CSMD1: variants seen among roughly 807,000 people sequenced by gnomAD.
CSMD1 encodes the protein CUB and sushi domain-containing protein 1.
Under a neutral mutation model 417.5 loss-of-function variants are expected in CSMD1, and 213 were observed. That is an observed-to-expected ratio of 0.51 (90% CI 0.46 to 0.57). The LOEUF is 0.57. Ranked by LOEUF, CSMD1 falls within the 20% of genes least tolerant of loss-of-function variation. CSMD1 has a pLI of 0.00. For synonymous variants in CSMD1, 2,862 were observed against 1,736.8 expected, an observed-to-expected ratio of 1.65 and a Z score of -16.11; for missense variants, 6,923 against 4,529.7, an observed-to-expected ratio of 1.53 and a Z score of -15.17.
intron 3 of CSMD1, among the ~76,000 whole-genome samples, chr8:4,408,217 A>G (rs1207982075): frequency 6.6e-6 from 1 of 152,240 alleles, no homozygotes; most frequent in Admixed American, 6.5e-5. Context: ...GCCCCAGGCC[A>G]TTCCTCCTTC....
At chr8:4,452,957 A>C (rs1585100616) in intron 2 of CSMD1, among the ~76,000 whole-genome samples, 1 of 152,160 alleles carries the variant, frequency 6.6e-6, no homozygotes, top group East Asian at 1.9e-4. Context: ...TTGATTTTTC[A>C]ATTTAAGCTT....
At chr8:4,028,542 A>C (rs1797181320) in intron 4 of CSMD1, among the ~76,000 whole-genome samples, 1 of 152,202 alleles carries the variant, frequency 6.6e-6, no homozygotes, top group Non-Finnish European at 1.5e-5. Flanking sequence ...ATAACTAGCG[A>C]AGGATAAAAT....
At chr8:4,412,178 G>C (rs1038234050) in intron 3 of CSMD1, among the ~76,000 whole-genome samples, 1 of 152,134 alleles carries the variant, frequency 6.6e-6, no homozygotes, top group Non-Finnish European at 1.5e-5. Flanking sequence ...TCGGATATCT[G>C]TCAACGTGCA....
At chr8:3,023,043 G>T (rs573895290) in intron 51 of CSMD1, among the ~76,000 whole-genome samples, 1 of 152,318 alleles carries the variant, frequency 6.6e-6, no homozygotes, top group South Asian at 2.1e-4. Flanking sequence ...TCAACTGCAG[G>T]TAGTCCTGAG....
Position 3,752,926 on chromosome 8 carries a change from G to C in CSMD1, c.931+1004C>G, listed in dbSNP as rs138606690. On this transcript the variant is annotated intron_variant, in intron 6 of 69. Transcript: ENST00000635120. ...GGATTTTAAAATGTGTAAGATAACA[G>C]ATATTTAGACCAGTTTGTTGAAAAA... 8.5e-4 allele frequency among the ~76,000 whole-genome samples: 129 copies of C among 152,272 alleles called. 2 individuals are homozygous for C. The East Asian group carries it at 0.022, about 26-fold the overall frequency.
intron 1 of CSMD1, among the ~76,000 whole-genome samples, chr8:4,847,375 C>A (rs781467480): frequency 6.6e-6 from 1 of 151,984 alleles, no homozygotes; most frequent in Non-Finnish European, 1.5e-5. Flanking sequence ...TTTCAGATAC[C>A]AAATAAAAAT....
intron 5 of CSMD1, among the ~76,000 whole-genome samples, chr8:3,843,491 A>G (rs1314064134): frequency 1.3e-5 from 2 of 152,232 alleles, no homozygotes; most frequent in African/African-American, 2.4e-5. Context: ...CTTTGTGTAC[A>G]TGAAACATGA....
At chr8:4,238,784 G>A (rs1163362504) in intron 3 of CSMD1, among the ~76,000 whole-genome samples, 1 of 152,146 alleles carries the variant, frequency 6.6e-6, no homozygotes, top group Non-Finnish European at 1.5e-5. Flanking sequence ...GGGTAAAGAA[G>A]ACTTAGGCAG....
At chr8:3,748,122 T>C (rs1797148901) in intron 6 of CSMD1, among the ~76,000 whole-genome samples, 1 of 152,184 alleles carries the variant, frequency 6.6e-6, no homozygotes, top group Non-Finnish European at 1.5e-5. Context: ...ATGGACACTT[T>C]TTCCAAAATC....
chr8:3,218,458 G>C (rs1798009286), intron 29 of CSMD1, among the ~76,000 whole-genome samples: 1 of 151,682 alleles, frequency 6.6e-6, no homozygotes. Flanking sequence ...CTACTCGGGA[G>C]GCTGAGGAAG....
At chr8:4,065,213 A>G (rs1216868590) in intron 3 of CSMD1, among the ~76,000 whole-genome samples, 1 of 152,216 alleles carries the variant, frequency 6.6e-6, no homozygotes, top group Non-Finnish European at 1.5e-5. Flanking sequence ...TATGAAAGAA[A>G]ATAGTCCTAA....
chr8:3,175,507 GCCTTTTTTCCTT>G (rs1254103806), intron 37 of CSMD1, among the ~76,000 whole-genome samples: 46 of 125,912 alleles, frequency 3.7e-4, no homozygotes, highest in Non-Finnish European at 6.4e-4. Flanking sequence ...CTGCCTGCCT[GCCTTTTTTCCTT>G]CCTTCCTTCC....
chr8:4,697,679 C>T (rs1169753944), intron 1 of CSMD1, among the ~76,000 whole-genome samples: 1 of 152,042 alleles, frequency 6.6e-6, no homozygotes, highest in African/African-American at 2.4e-5. Flanking sequence ...TTTCCCTGGA[C>T]AGTTTTAATT....
chr8:3,260,403 A>G (rs1032336294), intron 26 of CSMD1, among the ~76,000 whole-genome samples: 3 of 150,506 alleles, frequency 2.0e-5, no homozygotes, highest in African/African-American at 7.3e-5. Flanking sequence ...TTTGGAAAAC[A>G]CATAGAAGGA....
intron 3 of CSMD1, among the ~76,000 whole-genome samples, chr8:4,307,928 A>G (rs978415809): frequency 2.0e-5 from 3 of 152,194 alleles, no homozygotes; most frequent in African/African-American, 7.2e-5. Flanking sequence ...GGACCCCCGG[A>G]TGCAAGGGTC....
chr8:4,330,759 C>T (rs776664952), intron 3 of CSMD1, among the ~76,000 whole-genome samples: 7 of 152,048 alleles, frequency 4.6e-5, no homozygotes, highest in East Asian at 1.9e-4. Context: ...GTCTTTCCTG[C>T]GGCATCTCCT....
intron 37 of CSMD1, among the ~76,000 whole-genome samples, chr8:3,174,079 T>C (rs1365572046): frequency 1.3e-5 from 2 of 152,256 alleles, no homozygotes; most frequent in Non-Finnish European, 2.9e-5. Flanking sequence ...AGTATTTTAA[T>C]GGCACATTCA....
Position 4,777,106 on chromosome 8 carries a change from T to C in CSMD1, c.86-139548A>G, listed in dbSNP as rs1373358321. Among the ~76,000 whole-genome samples the C allele has an allele frequency of 2.0e-5, 3 of 152,340 alleles. No individual in the cohort carries two copies. In the South Asian group the frequency reaches 6.2e-4, roughly 32 times the overall value. On this transcript the variant is annotated intron_variant, in intron 1 of 69. Transcript: ENST00000635120. ...TTAGATCAGTCCTTGGTAATAATGC[T>C]GCCAGACAATAGATTCACAGTGAGC...
intron 7 of CSMD1, among the ~76,000 whole-genome samples, chr8:3,650,485 T>C (rs1389590817): frequency 1.3e-5 from 2 of 152,152 alleles, no homozygotes; most frequent in Non-Finnish European, 2.9e-5. Context: ...TAAATTAAGC[T>C]TAGCTGGTGG....
Sources: gnomAD v4.1 joint callset for allele counts (sites outside exome capture counted in the v4.1 genomes callset) on GRCh38, gnomAD v4.1.1 for gene constraint, MANE v1.5 for transcripts, NCBI Gene and HGNC (gene_info 2026-07-23, HGNC 2026-07-21) for gene names.